Variants in DIAPH3 observed in about 807,000 individuals in gnomAD.
DIAPH3 encodes protein diaphanous homolog 3.
A neutral mutation model predicts 144.3 loss-of-function variants in DIAPH3; 117 were observed. That is an observed-to-expected ratio of 0.81 (90% CI 0.70 to 0.95). The LOEUF is 0.95. Among genes scored for constraint, DIAPH3 ranks in the 40% least tolerant of loss-of-function variants. The pLI, the probability that DIAPH3 is intolerant of heterozygous loss-of-function variation, is 0.00. For synonymous variants in DIAPH3, 519 were observed against 488.9 expected (o/e 1.06, Z -0.81); for missense variants, 1,421 against 1,412.7 (o/e 1.01, Z -0.09).
intron 27 of DIAPH3, among the ~76,000 whole-genome samples, chr13:59,757,545 C>T (rs1026794984): frequency 8.6e-5 from 13 of 151,598 alleles, no homozygotes; most frequent in Non-Finnish European, 1.3e-4. Context: ...GGACTACAGG[C>T]GCCCGCCACC....
chr13:59,771,027 G>T (rs1566285111), intron 27 of DIAPH3, among the ~76,000 whole-genome samples: 1 of 152,160 alleles, frequency 6.6e-6, no homozygotes, highest in African/African-American at 2.4e-5. Context: ...CAGTGCATGA[G>T]ATGTCTGCTT....
chr13:60,112,274 C>T, intron 2 of DIAPH3, 88 bp from the exon 3 acceptor site: 5 of 1,436,950 alleles, frequency 3.5e-6, no homozygotes, highest in Non-Finnish European at 4.9e-6. Context: ...CAAAGAGGGC[C>T]AATCGTGTTA....
intron 8 of DIAPH3, among the ~76,000 whole-genome samples, chr13:60,010,020 T>C (rs984138080): frequency 6.6e-6 from 1 of 152,176 alleles, no homozygotes; most frequent in Non-Finnish European, 1.5e-5. Context: ...TGTGGTTAAG[T>C]TCTTTACAGC....
At chr13:59,710,782 A>G (rs1456678655) in intron 27 of DIAPH3, among the ~76,000 whole-genome samples, 2 of 152,238 alleles carry the variant, frequency 1.3e-5, no homozygotes, top group African/African-American at 4.8e-5. Flanking sequence ...AAACTGTTTT[A>G]CTACCTCCTT....
At chr13:60,135,048 A>G (rs1414182890) in intron 1 of DIAPH3, among the ~76,000 whole-genome samples, 1 of 152,144 alleles carries the variant, frequency 6.6e-6, no homozygotes, top group Non-Finnish European at 1.5e-5. Context: ...AAATAAAACT[A>G]GACAGGAAAA....
rs773306723 is a variant in DIAPH3 at position 59,908,369 on chromosome 13, CAAAAAAAAA to C, written c.2367+3357_2367+3365del. ...CTGGTGACAGAGCTAGACTCTGTCT[CAAAAAAAAA>C]AAAAAAAAAAAAAAAAGTAAGACAT... is the stretch of plus-strand genomic sequence containing the variant. On this transcript the variant is annotated intron_variant, in intron 20 of 27. Coordinates refer to ENST00000400324, the MANE Select transcript of DIAPH3 (RefSeq NM_001042517.2). Among the ~76,000 whole-genome samples, 5 of 41,162 alleles carry C rather than the reference CAAAAAAAAA, an allele frequency of 1.2e-4. 1 individual carries two copies. The highest frequency in any genetic ancestry group is 2.0e-4 in the African/African-American group (2 of 10,164). 27.0% of individuals were successfully genotyped at this position (41,162 alleles called of 152,430 possible). A position where few individuals can be genotyped will look rare whatever the true frequency, so the allele number is the denominator to read the frequency against.
chr13:59,719,661 T>C (rs1434424935), intron 27 of DIAPH3, among the ~76,000 whole-genome samples: 3 of 152,112 alleles, frequency 2.0e-5, no homozygotes, highest in African/African-American at 4.8e-5. Context: ...CTTCTTGGTG[T>C]TGGAGAAAGC....
intron 22 of DIAPH3, among the ~76,000 whole-genome samples, chr13:59,860,191 T>C: frequency 6.6e-6 from 1 of 152,086 alleles, no homozygotes; most frequent in Non-Finnish European, 1.5e-5. Context: ...CAGGAAAAGA[T>C]AAAATTAATT....
chr13:59,975,336 T>C (rs2050617114), intron 14 of DIAPH3, among the ~76,000 whole-genome samples: 1 of 152,084 alleles, frequency 6.6e-6, no homozygotes, highest in Admixed American at 6.6e-5. Context: ...GATTTTATTT[T>C]TACTTAGTTT....
At position 59,970,996 on chromosome 13, in the gene DIAPH3, T is replaced by TG. The variant is rs765670975; in HGVS notation, c.1814dup (p.Phe606IlefsTer36). The TG allele has an allele frequency of 1.9e-6, 3 of 1,603,762 alleles. No homozygotes were observed. Among genetic ancestry groups the TG allele is most frequent in the South Asian group, 2.2e-5 (2 of 90,858 alleles). On this transcript the variant is annotated frameshift_variant, in exon 16 of 28. Transcript: ENST00000400324. LOFTEE classifies it high-confidence loss of function. ...GTGGTGGAGGCACAGGACCACTGAA[T>TG]GGCATCCGCATTCCTGGAAGTGGAG...
At chr13:60,110,469 G>A (rs1214424314) in intron 3 of DIAPH3, among the ~76,000 whole-genome samples, 1 of 152,156 alleles carries the variant, frequency 6.6e-6, no homozygotes, top group African/African-American at 2.4e-5. Flanking sequence ...ATGGTACCCT[G>A]AGAAGTTTGA....
intron 27 of DIAPH3, among the ~76,000 whole-genome samples, chr13:59,729,653 T>A (rs1310706857): frequency 1.3e-5 from 2 of 151,754 alleles, no homozygotes; most frequent in Non-Finnish European, 2.9e-5. Context: ...CAAAAAAAAA[T>A]GCATGTAAAA....
chr13:60,086,602 A>C (rs1365562339), intron 4 of DIAPH3, among the ~76,000 whole-genome samples: 1 of 16,876 alleles, frequency 5.9e-5, no homozygotes, highest in Non-Finnish European at 1.5e-4. Context: ...AATAGAAGCA[A>C]AAAAAAAAAA....
intron 25 of DIAPH3, 31 bp from the exon 26 acceptor site, chr13:59,774,854 G>C (rs1360810185): frequency 1.2e-5 from 19 of 1,570,462 alleles, no homozygotes; most frequent in Non-Finnish European, 1.7e-5. Context: ...AATTCCATCA[G>C]CCCTCAGGGT....
At position 59,665,848 on chromosome 13, in the gene DIAPH3, C is replaced by T. The variant is rs1162623473; in HGVS notation, c.*736G>A. 6.6e-6 allele frequency: 1 copy of T among 152,542 alleles called. No homozygotes were observed. Among genetic ancestry groups the T allele is most frequent in the Non-Finnish European group, 1.5e-5 (1 of 68,028 alleles). 9.4% of individuals were successfully genotyped at this position (152,542 alleles called of 1,614,324 possible). A position where few individuals can be genotyped will look rare whatever the true frequency, so the allele number is the denominator to read the frequency against. ...ATAATTACAAGGGGAAAAATACTCT[C>T]TTAGCCAAGATCAAGAATTTCGGCA... On this transcript the variant is annotated 3_prime_UTR_variant, in exon 28 of 28. Transcript: ENST00000400324.
At chr13:59,762,311 C>T (rs1434523732) in intron 27 of DIAPH3, among the ~76,000 whole-genome samples, 1 of 152,080 alleles carries the variant, frequency 6.6e-6, no homozygotes, top group African/African-American at 2.4e-5. Context: ...CTGCCCGCCT[C>T]AGCCTCCCAA....
At chr13:60,114,594 C>G (rs9538563) in intron 2 of DIAPH3, among the ~76,000 whole-genome samples, 34,132 of 151,226 alleles carry the variant, frequency 0.23, 4,022 homozygotes, top group South Asian at 0.27. Flanking sequence ...ATATATAACT[C>G]AATTCACAGA....
In DIAPH3 at chr13:59,879,303, G is replaced by A; in HGVS notation, c.2533C>T (p.Leu845=). Reference sequence around the variant, plus strand: ...CCAGCATTCATGTAGTTTCCCATTAGCAATACAAGTTCCAGCAACTTGCTA... The same window carrying A: ...CCAGCATTCATGTAGTTTCCCATTAACAATACAAGTTCCAGCAACTTGCTA... The part of the protein sequence containing the change: ...SFSKLLELVL[L]MGNYMNAGSR... The change falls in exon 21 of 28, where the codon CTA becomes TTA. Residue 845 remains leucine (L), a synonymous_variant. Transcript: ENST00000400324. 1.2e-6 allele frequency: 2 copies of A among 1,613,836 alleles called. No homozygotes were observed.
chr13:59,983,205 TAAA>T (rs5803980), intron 13 of DIAPH3, among the ~76,000 whole-genome samples: 25 of 125,068 alleles, frequency 2.0e-4, no homozygotes, highest in Non-Finnish European at 3.0e-4. Flanking sequence ...ATTCCAAGTT[TAAA>T]AAAAAAAAAA....
Sources: gnomAD v4.1 joint callset for allele counts (sites outside exome capture counted in the v4.1 genomes callset) on GRCh38, gnomAD v4.1.1 for gene constraint, MANE v1.5 for transcripts, NCBI Gene and HGNC (gene_info 2026-07-23, HGNC 2026-07-21) for gene names.